Variants in SARDH observed in about 807,000 individuals in gnomAD.
The protein encoded by SARDH is sarcosine dehydrogenase, also known as sarcosine dehydrogenase, mitochondrial.
Under a neutral mutation model 109.1 loss-of-function variants are expected in SARDH, and 95 were observed. The ratio of observed to expected loss-of-function variants is 0.87; its 90% CI spans 0.74 to 1.03. SARDH has a LOEUF of 1.03. Ranked by LOEUF, SARDH falls within the 50% of genes least tolerant of loss-of-function variation. The probability of loss-of-function intolerance (pLI) is 0.00; values close to 1 mark genes in which losing one functional copy is unlikely to be tolerated. For synonymous variants in SARDH, 572 were observed against 534.8 expected, an observed-to-expected ratio of 1.07 and a Z score of -0.96; for missense variants, 1,267 against 1,287.8, an observed-to-expected ratio of 0.98 and a Z score of 0.25.
At chr9:133,736,011 G>A (rs766504990) in intron 1 of SARDH, among the ~76,000 whole-genome samples, 2 of 149,762 alleles carry the variant, frequency 1.3e-5, no homozygotes, top group Non-Finnish European at 2.9e-5. Flanking sequence ...TTGCACTCCA[G>A]CCTGGGCAAC....
At chr9:133,701,222 A>C (rs1228805719) in intron 13 of SARDH, among the ~76,000 whole-genome samples, 1 of 152,244 alleles carries the variant, frequency 6.6e-6, no homozygotes, top group African/African-American at 2.4e-5. Flanking sequence ...CATTTACATC[A>C]GGGAAATTGG....
At position 133,737,715 on chromosome 9, in the gene SARDH, G is replaced by C. The variant is rs556176039; in HGVS notation, c.-31+539C>G. Among the ~76,000 whole-genome samples, 466 of 152,350 alleles carry C rather than the reference G, an allele frequency of 3.1e-3. 2 individuals are homozygous for C. The highest frequency in any genetic ancestry group is 0.011 in the African/African-American group (445 of 41,596). ...CTGCCTGGTCAGTCAGGGCTCTTCT[G>C]ACTGTCAGACTGGGGGCTGGCAGCG... On this transcript the variant is annotated intron_variant, in intron 1 of 20. Coordinates refer to ENST00000439388, the MANE Select transcript of SARDH (RefSeq NM_001134707.2).
intron 10 of SARDH, among the ~76,000 whole-genome samples, 164 bp from the exon 11 acceptor site, chr9:133,708,592 T>A (rs924521108): frequency 2.0e-5 from 3 of 152,094 alleles, no homozygotes; most frequent in African/African-American, 7.2e-5. Flanking sequence ...CACCCTTGGG[T>A]GAACTCAGCT....
In SARDH at chr9:133,733,970, G is replaced by A. The variant is rs553787246; in HGVS notation, c.204C>T (p.Asn68=). The A allele has an allele frequency of 4.6e-5, 74 of 1,611,540 alleles. 2 individuals are homozygous for A. The South Asian group carries it at 5.4e-4, about 12-fold the overall frequency. ...AGCTGCCTCCACCAATGACCACCAC[G>A]TTGGCCGTGCTGGGCAGGGGCCGGC... The part of the protein sequence containing the change: ...GPSRPLPSTA[N]VVVIGGGSLG... The change falls in exon 2 of 21, where the codon AAC becomes AAT. Residue 68 remains asparagine, a synonymous_variant. Transcript: ENST00000439388.
chr9:133,660,975 C>A (rs191029452), downstream of SARDH, among the ~76,000 whole-genome samples: 28 of 152,036 alleles, frequency 1.8e-4, no homozygotes, highest in East Asian at 4.8e-3. Flanking sequence ...GGCTGAGATG[C>A]GAGGATCACT....
intron 19 of SARDH, chr9:133,667,253 G>A (rs1168605657): frequency 3.4e-5 from 11 of 327,482 alleles, no homozygotes; most frequent in African/African-American, 1.8e-4. Flanking sequence ...TACAACCTCC[G>A]CCTCCCAGGT....
rs569956268 is a variant in SARDH, at chr9:133,710,429, G to C, written c.1329-2001C>G. 8.7e-3 allele frequency among the ~76,000 whole-genome samples: 1,320 copies of C among 152,356 alleles called. 8 individuals are homozygous for C. Among genetic ancestry groups the C allele is most frequent in the Non-Finnish European group, 0.015 (1,033 of 68,030 alleles). On this transcript the variant is annotated intron_variant, in intron 10 of 20. Coordinates refer to ENST00000439388, the MANE Select transcript of SARDH (RefSeq NM_001134707.2). Reference sequence around the variant, plus strand: ...CTGGGACCCTCACGCGCAGCCCGGAGCCCAGACAGGCCCCGCACCCAGGGA... The same window carrying C: ...CTGGGACCCTCACGCGCAGCCCGGACCCCAGACAGGCCCCGCACCCAGGGA...
At chr9:133,668,295 C>G (rs1030872037) in intron 19 of SARDH, among the ~76,000 whole-genome samples, 1 of 134,828 alleles carries the variant, frequency 7.4e-6, no homozygotes. Flanking sequence ...CTCCCTCTCC[C>G]TCCCTCTCCC....
At position 133,695,397 on chromosome 9, in the gene SARDH, C is replaced by T. The variant is rs567151158; in HGVS notation, c.1807+826G>A. On this transcript the variant is annotated intron_variant, in intron 14 of 20. Coordinates refer to ENST00000439388, the MANE Select transcript of SARDH (RefSeq NM_001134707.2). ...GGCGGAGGTTGCAGTGAGCTGAGAT[C>T]GCGCCATTGCACTCCAGCCTGAGCG... Among the ~76,000 whole-genome samples the T allele has an allele frequency of 5.1e-3, 778 of 152,296 alleles. 3 individuals carry two copies. The highest frequency in any genetic ancestry group is 9.2e-3 in the Non-Finnish European group (629 of 68,014).
intron 4 of SARDH, among the ~76,000 whole-genome samples, chr9:133,730,475 A>ATTTTTT (rs1564298781): frequency 2.1e-5 from 3 of 141,012 alleles, no homozygotes; most frequent in Non-Finnish European, 3.1e-5. Context: ...TTTTTTAAAA[A>ATTTTTT]AAAAAAGCAA....
intron 1 of SARDH, 116 bp from the exon 2 acceptor site, chr9:133,734,319 C>A (rs1832792459): frequency 3.8e-6 from 2 of 524,200 alleles, no homozygotes; most frequent in Non-Finnish European, 6.2e-6. Flanking sequence ...CCTCTTGCCA[C>A]TTCCCCATGG....
chr9:133,717,202 A>G (rs1564286567), intron 8 of SARDH, 124 bp downstream of exon 8: 2 of 1,228,778 alleles, frequency 1.6e-6, no homozygotes, highest in Non-Finnish European at 2.3e-6. Flanking sequence ...AAGCAGCGAG[A>G]GGGACCGGGG....
Position 133,712,573 on chromosome 9 carries a change from T to G in SARDH, c.1328+46A>C, listed in dbSNP as rs1407180338. 1 of 1,522,340 alleles carries G rather than the reference T, an allele frequency of 6.6e-7. No individual in the cohort carries two copies. The highest frequency in any genetic ancestry group is 9.0e-7 in the Non-Finnish European group (1 of 1,105,428). 94.3% of individuals were successfully genotyped at this position (1,522,340 alleles called of 1,614,324 possible). ...CCCTCGCTGTTTACCCCACGCCACC[T>G]GTCCTGAGTGGCGGGCCCTGCCCTT... On this transcript the variant is annotated intron_variant, in intron 10 of 20. Transcript: ENST00000439388. This position sits in a 1 kb window ranked among gnomAD's most constrained non-coding sequence, Gnocchi z 4.1.
In SARDH at chr9:133,690,372, T is replaced by C. The variant is rs1831046826; in HGVS notation, c.2069+8A>G. 6.2e-7 allele frequency: 1 copy of C among 1,606,288 alleles called. No individual in the cohort carries two copies. The highest frequency in any genetic ancestry group is 8.5e-7 in the Non-Finnish European group (1 of 1,175,116). On this transcript the variant is annotated splice_region_variant and intron_variant, in intron 16 of 20. Transcript: ENST00000439388. Reference sequence around the variant, plus strand: ...GCACCCAGGGGCGGGCTCCCAGTCCTCTCTCACCTGGCTGGGCCCTGGATA... The same window carrying C: ...GCACCCAGGGGCGGGCTCCCAGTCCCCTCTCACCTGGCTGGGCCCTGGATA...
Position 133,670,718 on chromosome 9 carries a change from G to T in SARDH, c.2361C>A (p.Asp787Glu), listed in dbSNP as rs145558194. The change falls in exon 19 of 21, where the codon GAC (aspartate) becomes GAA (glutamate). Residue 787 changes from aspartate (D) to glutamate (E), a missense_variant. By Grantham distance (45) the Asp-to-Glu change is conservative. Transcript: ENST00000439388. ...CCAGGCCTGCCTCCAGGGGGCTGTC[G>T]TCTGGCCGCAGGTCCGCGTGCCAGT... is the stretch of plus-strand genomic sequence containing the variant. ...YRHWHADLRP[D>E]DSPLEAGLAF... 1.1e-5 allele frequency: 18 copies of T among 1,599,868 alleles called. No individual in the cohort carries two copies. The African/African-American group carries it at 2.2e-4, about 19-fold the overall frequency.
Position 133,704,871 on chromosome 9 carries a change from G to T in SARDH, c.1554+77C>A. 1.5e-6 allele frequency: 2 copies of T among 1,290,724 alleles called. No homozygotes were observed. The highest frequency in any genetic ancestry group is 1.3e-5 in the South Asian group (1 of 77,774). The allele number at this position is 1,290,724 out of a possible 1,614,324, so 80.0% of individuals were successfully genotyped here. ...GGAGGCGGGGCACACGGAGGGGCAA[G>T]GACGGGGCACGTGGAGGGGCAAGGG... On this transcript the variant is annotated intron_variant, in intron 12 of 20. Transcript: ENST00000439388. The surrounding 1 kb of genome is among the most constrained non-coding windows in gnomAD (Gnocchi z 4.5).
chr9:133,714,735 G>A lies in SARDH; in HGVS notation c.1151-1611C>T, dbSNP rs187878073. Among the ~76,000 whole-genome samples the A allele has an allele frequency of 7.2e-5, 11 of 152,252 alleles. 1 individual carries two copies. The highest frequency in any genetic ancestry group is 3.9e-4 in the Admixed American group (6 of 15,312). On this transcript the variant is annotated intron_variant, in intron 8 of 20. Transcript: ENST00000439388. ...GTAGAGGCTGCAGGGAGCCAAAATC[G>A]CACCACTGCTCTGCAGCCTGGGCAA...
chr9:133,684,230 A>G (rs1042607220), intron 17 of SARDH, among the ~76,000 whole-genome samples: 4 of 152,226 alleles, frequency 2.6e-5, no homozygotes, highest in African/African-American at 7.2e-5. Context: ...ACTGGCACCT[A>G]GTGGGCGGCA....
Position 133,708,289 on chromosome 9 carries a change from C to T in SARDH, c.1468G>A (p.Glu490Lys), listed in dbSNP as rs61745310. ...GRNMRRDPLH[E>K]ELLGQGCVFQ... is the part of the protein sequence containing the mutation. Reference sequence around the variant, plus strand: ...AGCAGGAGCTGTAGGGGCGTTACCTCGTGCAGCGGGTCTCTCCTCATGTTG... The same window carrying T: ...AGCAGGAGCTGTAGGGGCGTTACCTTGTGCAGCGGGTCTCTCCTCATGTTG... The change falls in exon 11 of 21, where the codon GAG (glutamate) becomes AAG (lysine). Residue 490 changes from glutamate to lysine, a missense_variant and splice_region_variant. Coordinates refer to ENST00000439388, the MANE Select transcript of SARDH (RefSeq NM_001134707.2). 1.0e-3 allele frequency: 1,624 copies of T among 1,612,096 alleles called. 21 individuals are homozygous for T. The African/African-American group carries it at 0.019, about 19-fold the overall frequency.
Sources: allele counts gnomAD v4.1 joint callset (sites outside exome capture counted in the v4.1 genomes callset), GRCh38; gene constraint gnomAD v4.1.1; non-coding constraint Gnocchi (gnomAD v3.1); transcripts MANE v1.5; gene names NCBI Gene and HGNC (gene_info 2026-07-23, HGNC 2026-07-21).